Variants in STK17A observed in about 807,000 individuals in gnomAD.
The protein encoded by STK17A is serine/threonine kinase 17a.
In STK17A, 26 loss-of-function variants were observed where a neutral mutation model predicts 43.7. That is an observed-to-expected ratio of 0.60 (90% CI 0.44 to 0.83). STK17A has a LOEUF of 0.83. Among genes scored for constraint, STK17A ranks in the 40% least tolerant of loss-of-function variants. The pLI is 0.00. For synonymous variants in STK17A, 191 were observed against 182.5 expected, an observed-to-expected ratio of 1.05 and a Z score of -0.38; for missense variants, 476 against 511.6, an observed-to-expected ratio of 0.93 and a Z score of 0.67.
intron 2 of STK17A, among the ~76,000 whole-genome samples, chr7:43,605,206 T>A (rs187033696): frequency 9.6e-4 from 147 of 152,352 alleles, no homozygotes; most frequent in African/African-American, 3.2e-3. Context: ...TTTGTGGCAT[T>A]TTCAGATATC....
intron 4 of STK17A, among the ~76,000 whole-genome samples, chr7:43,621,913 A>G (rs2083933459): frequency 6.6e-6 from 1 of 152,188 alleles, no homozygotes; most frequent in South Asian, 2.1e-4. Context: ...GTCATTTTAC[A>G]TACACACAGA....
rs2084414833 is a variant in STK17A at position 43,625,552 on chromosome 7, T to TCATCA, written c.*713_*717dup. On this transcript the variant is annotated 3_prime_UTR_variant, in exon 7 of 7. Transcript: ENST00000319357. ...GGTGTCAGCTCTTGAGCTGCTTCCCTCATCACACCACACTCACATGCATCT... is the reference window on the plus strand; with the variant it reads ...GGTGTCAGCTCTTGAGCTGCTTCCCTCATCACATCACACCACACTCACATGCATCT... The TCATCA allele has an allele frequency of 6.6e-6, 1 of 152,354 alleles. No homozygotes were observed. The highest frequency in any genetic ancestry group is 2.1e-4 in the South Asian group (1 of 4,826). 9.4% of individuals were successfully genotyped at this position (152,354 alleles called of 1,614,324 possible).
At chr7:43,603,099 C>A (rs1237892332) in intron 2 of STK17A, among the ~76,000 whole-genome samples, 4 of 152,198 alleles carry the variant, frequency 2.6e-5, no homozygotes, top group Non-Finnish European at 5.9e-5. Context: ...CTCAGCTGGT[C>A]ACCCTGGTTT....
At chr7:43,612,188 G>A (rs368920506) in intron 3 of STK17A, among the ~76,000 whole-genome samples, 3 of 152,116 alleles carry the variant, frequency 2.0e-5, no homozygotes, top group Non-Finnish European at 2.9e-5. Flanking sequence ...ATGTTTCCTC[G>A]ACCCAGAGGA....
chr7:43,624,508 A>G lies in STK17A; in HGVS notation c.921-10A>G, dbSNP rs1237562311. ...AACATGTCTTAACTGTAAAACATGTATCTTTACAGAGATCGAGCCACTGCT... is the reference window on the plus strand; with the variant it reads ...AACATGTCTTAACTGTAAAACATGTGTCTTTACAGAGATCGAGCCACTGCT... On this transcript the variant is annotated splice_polypyrimidine_tract_variant and intron_variant, in intron 6 of 6. Transcript: ENST00000319357. 15 of 1,598,376 alleles carry G rather than the reference A, an allele frequency of 9.4e-6. No individual in the cohort carries two copies. The highest frequency in any genetic ancestry group is 8.7e-5 in the Admixed American group (5 of 57,188).
rs1056774029 is a variant in STK17A, at chr7:43,596,293, A to G, written c.419+180A>G. ...GTTCCAAATTTGCAAGGATGCATGT[A>G]TATTAGCTTTTTTATTTTCATTCTT... On this transcript the variant is annotated intron_variant, in intron 2 of 6. Coordinates refer to ENST00000319357, the MANE Select transcript of STK17A (RefSeq NM_004760.3). Among the ~76,000 whole-genome samples, 9 of 152,328 alleles carry G rather than the reference A, an allele frequency of 5.9e-5. No individual in the cohort carries two copies. The South Asian group carries it at 1.0e-3, about 18-fold the overall frequency.
intron 3 of STK17A, among the ~76,000 whole-genome samples, chr7:43,611,684 T>C (rs2082894068): frequency 1.3e-5 from 2 of 152,344 alleles, no homozygotes; most frequent in South Asian, 4.1e-4. Context: ...ACTTTAAGTA[T>C]TAGCCATGCA....
intron 3 of STK17A, among the ~76,000 whole-genome samples, chr7:43,617,040 G>T (rs965597889): frequency 6.6e-6 from 1 of 152,192 alleles, no homozygotes; most frequent in Non-Finnish European, 1.5e-5. Flanking sequence ...AGAAAAAAGC[G>T]TTCTAGACTG....
In STK17A at chr7:43,625,827, T is replaced by C. The variant is rs1192630725; in HGVS notation, c.*985T>C. 2.0e-5 allele frequency: 3 copies of C among 152,070 alleles called. No homozygotes were observed. Among genetic ancestry groups the C allele is most frequent in the Non-Finnish European group, 4.4e-5 (3 of 68,012 alleles). The allele number at this position is 152,070 out of a possible 1,614,324, so 9.4% of individuals were successfully genotyped here. On this transcript the variant is annotated 3_prime_UTR_variant, in exon 7 of 7. Transcript: ENST00000319357. ...TTTCTGCTGAGTTTCTTATCAGCCCTCAAGCTATGCTAGGAAAAGTTATAA... is the reference window on the plus strand; with the variant it reads ...TTTCTGCTGAGTTTCTTATCAGCCCCCAAGCTATGCTAGGAAAAGTTATAA...
chr7:43,593,645 C>A (rs1392850604), intron 1 of STK17A, among the ~76,000 whole-genome samples: 1 of 151,310 alleles, frequency 6.6e-6, no homozygotes, highest in East Asian at 1.9e-4. Context: ...TGATGTTGAA[C>A]ATTTTTTAAT....
chr7:43,584,118 C>G (rs10240290), intron 1 of STK17A, among the ~76,000 whole-genome samples: 20,585 of 152,110 alleles, frequency 0.14, 1,830 homozygotes, highest in Non-Finnish European at 0.2. Context: ...CCACGCTAGC[C>G]CACCCTTTTT....
chr7:43,611,234 C>T (rs2082849289), intron 3 of STK17A, among the ~76,000 whole-genome samples: 1 of 152,074 alleles, frequency 6.6e-6, no homozygotes, highest in Admixed American at 6.5e-5. Flanking sequence ...TACTAGTTTC[C>T]TACAGAAAAA....
Position 43,587,408 on chromosome 7 carries a change from TAGTTA to T in STK17A, c.206+3964_206+3968del, listed in dbSNP as rs755283018. Among the ~76,000 whole-genome samples, 23 of 151,538 alleles carry T rather than the reference TAGTTA, an allele frequency of 1.5e-4. 3 individuals carry two copies. Among genetic ancestry groups the T allele is most frequent in the Admixed American group, 1.1e-3 (16 of 15,232 alleles). ...AACATGACCAAGCTTCAGTGTCATA[TAGTTA>T]AGTTCCCACTGGGGCCTTAAAGTAA... is the stretch of plus-strand genomic sequence containing the variant. On this transcript the variant is annotated intron_variant, in intron 1 of 6. Transcript: ENST00000319357.
At chr7:43,592,033 A>G (rs1167169542) in intron 1 of STK17A, among the ~76,000 whole-genome samples, 1 of 151,580 alleles carries the variant, frequency 6.6e-6, no homozygotes, top group Non-Finnish European at 1.5e-5. Flanking sequence ...TTTCTAATTT[A>G]CCAGGAACAT....
chr7:43,596,114 G>GT lies in STK17A; in HGVS notation c.419+2dup, dbSNP rs764754929. 1.9e-6 allele frequency: 3 copies of GT among 1,605,684 alleles called. No individual in the cohort carries two copies. Among genetic ancestry groups the GT allele is most frequent in the Non-Finnish European group, 2.6e-6 (3 of 1,175,284 alleles). ...CAGAAATGATCTTAGTTCTGGAATA[G>GT]TAAGTATTGTCTTTCTTAGATTAAG... is the stretch of plus-strand genomic sequence containing the variant. On this transcript the variant is annotated splice_donor_variant, in intron 2 of 6. Coordinates refer to ENST00000319357, the MANE Select transcript of STK17A (RefSeq NM_004760.3). LOFTEE classifies it high-confidence loss of function.
chr7:43,590,473 T>C lies in STK17A; in HGVS notation c.207-5428T>C, dbSNP rs77451265. 8.2e-4 allele frequency among the ~76,000 whole-genome samples: 125 copies of C among 151,580 alleles called. 1 individual carries two copies. The highest frequency in any genetic ancestry group is 2.8e-3 in the African/African-American group (117 of 41,480). On this transcript the variant is annotated intron_variant, in intron 1 of 6. Transcript: ENST00000319357. ...TATAATTGTTTATGTATCTTACCTT[T>C]CCCACCTCTCTGGAATATGTTTTCA...
intron 5 of STK17A, 41 bp downstream of exon 5, chr7:43,623,661 G>GA (rs775268696): frequency 6.2e-7 from 1 of 1,607,532 alleles, no homozygotes; most frequent in South Asian, 1.1e-5. Context: ...TTAGTTTCAA[G>GA]AAATGAGTAT....
In STK17A at chr7:43,612,692, C is replaced by T. The variant is rs146872182; in HGVS notation, c.564+4292C>T. Among the ~76,000 whole-genome samples, 43 of 152,188 alleles carry T rather than the reference C, an allele frequency of 2.8e-4. No homozygotes were observed. The East Asian group carries it at 7.1e-3, about 25-fold the overall frequency. Reference sequence around the variant, plus strand: ...TTGCTTCTATTAAGGATATAATTGACGCTATGGGAAATACACTGCTTAGCT... The same window carrying T: ...TTGCTTCTATTAAGGATATAATTGATGCTATGGGAAATACACTGCTTAGCT... On this transcript the variant is annotated intron_variant, in intron 3 of 6. Coordinates refer to ENST00000319357, the MANE Select transcript of STK17A (RefSeq NM_004760.3).
At chr7:43,623,367 G>A in intron 4 of STK17A, 1 of 543,544 alleles carries the variant, frequency 1.8e-6, no homozygotes, top group Non-Finnish European at 3.2e-6. Context: ...AACAATGGTG[G>A]GTAGAAGTGT....
Sources: gnomAD v4.1 joint callset for allele counts (sites outside exome capture counted in the v4.1 genomes callset) on GRCh38, gnomAD v4.1.1 for gene constraint, MANE v1.5 for transcripts, NCBI Gene and HGNC (gene_info 2026-07-23, HGNC 2026-07-21) for gene names.